The following ANAPC4 variants were observed in gnomAD, a reference collection of about 807,000 sequenced individuals.
The protein encoded by ANAPC4 is anaphase-promoting complex subunit 4.
In ANAPC4, 63 loss-of-function variants were observed where a neutral mutation model predicts 119.8. That is an observed-to-expected ratio of 0.53 (90% confidence interval 0.43 to 0.65). ANAPC4 has a LOEUF of 0.65. Ranked by LOEUF, ANAPC4 falls within the 30% of genes least tolerant of loss-of-function variation. ANAPC4 has a pLI of 0.00. For missense variants in ANAPC4, 716 were observed against 945.1 expected (o/e 0.76, Z 3.18); for synonymous variants, 283 against 318.6 (o/e 0.89, Z 1.19).
In ANAPC4 at chr4:25,383,185, G is replaced by A. The variant is rs1577370092; in HGVS notation, c.236-76G>A. 28 of 1,354,714 alleles carry A rather than the reference G, an allele frequency of 2.1e-5. No individual in the cohort carries two copies. The East Asian group carries it at 6.8e-4, about 33-fold the overall frequency. The allele number at this position is 1,354,714 out of a possible 1,614,324, so 83.9% of individuals were successfully genotyped here. On this transcript the variant is annotated intron_variant, in intron 3 of 28. Coordinates refer to ENST00000315368, the MANE Select transcript of ANAPC4 (RefSeq NM_013367.3). ...AAGATGCACTTAAAAGAGTAAAACT[G>A]GGCAATAAGGGAAATACCCATTTAT...
chr4:25,410,149 G>C (rs1723481445), intron 21 of ANAPC4, among the ~76,000 whole-genome samples: 1 of 152,124 alleles, frequency 6.6e-6, no homozygotes, highest in African/African-American at 2.4e-5. Context: ...GCACAGGGAT[G>C]CTCAACTGTA....
At position 25,405,491 on chromosome 4, in the gene ANAPC4, C is replaced by G; in HGVS notation, c.1271-82C>G. 7.7e-7 allele frequency: 1 copy of G among 1,303,308 alleles called. No individual in the cohort carries two copies. The highest frequency in any genetic ancestry group is 1.8e-5 in the Admixed American group (1 of 56,128). The allele number at this position is 1,303,308 out of a possible 1,614,324, so 80.7% of individuals were successfully genotyped here. ...ATTGAAGATTTAGTTCAGTCAAACA[C>G]CTTGTCTTTGAAATGTATTTATAAT... On this transcript the variant is annotated intron_variant, in intron 17 of 28. Coordinates refer to ENST00000315368, the MANE Select transcript of ANAPC4 (RefSeq NM_013367.3). This position sits in a 1 kb window ranked among gnomAD's most constrained non-coding sequence, Gnocchi z 4.6.
intron 21 of ANAPC4, among the ~76,000 whole-genome samples, chr4:25,411,780 C>T (rs906731348): frequency 6.6e-6 from 1 of 152,200 alleles, no homozygotes; most frequent in Non-Finnish European, 1.5e-5. Flanking sequence ...CAGAAGCAGT[C>T]TGTAGGTTAG....
At chr4:25,413,932 T>TGTGTG in intron 22 of ANAPC4, 190 bp downstream of exon 22, 1 of 264,700 alleles carries the variant, frequency 3.8e-6, no homozygotes. Flanking sequence ...CTTACACACG[T>TGTGTG]GTGTGTGTGT....
At chr4:25,403,586 C>G (rs924999842) in intron 17 of ANAPC4, among the ~76,000 whole-genome samples, 7 of 152,110 alleles carry the variant, frequency 4.6e-5, no homozygotes, top group Non-Finnish European at 4.4e-5. Flanking sequence ...AGCTTATCTT[C>G]TGTGTGATTA....
intron 25 of ANAPC4, 26 bp from the exon 26 acceptor site, chr4:25,415,440 C>CT (rs766721339): frequency 3.1e-6 from 5 of 1,591,298 alleles, no homozygotes; most frequent in Non-Finnish European, 2.6e-6. Context: ...CACAGAGTCT[C>CT]TTTTTTTCCC....
rs1721452744 is a variant in ANAPC4 at position 25,377,323 on chromosome 4, C to G, written c.-32C>G. On this transcript the variant is annotated 5_prime_UTR_variant, in exon 1 of 29. Coordinates refer to ENST00000315368, the MANE Select transcript of ANAPC4 (RefSeq NM_013367.3). ...GAGAGGCCACTGGGGCCGTGTTAGT[C>G]TGCCGGTGGGGACTCTTGCAGGTAC... 1.4e-6 allele frequency: 2 copies of G among 1,481,248 alleles called. No individual in the cohort carries two copies. The highest frequency in any genetic ancestry group is 1.4e-5 in the African/African-American group (1 of 71,822). The allele number at this position is 1,481,248 out of a possible 1,614,324, so 91.8% of individuals were successfully genotyped here. A position where few individuals can be genotyped will look rare whatever the true frequency, so the allele number is the denominator to read the frequency against.
Position 25,388,889 on chromosome 4 carries a change from C to A in ANAPC4, c.515+7C>A. On this transcript the variant is annotated splice_region_variant and intron_variant, in intron 7 of 28. Transcript: ENST00000315368. ...AGCTCTTGGGAGACGTCAGGTAAAT[C>A]TTACAGATAAATAAGTCTAATTTCT... The A allele has an allele frequency of 6.3e-7, 1 of 1,583,202 alleles. No homozygotes were observed. Among genetic ancestry groups the A allele is most frequent in the Non-Finnish European group, 8.6e-7 (1 of 1,159,680 alleles).
In ANAPC4 at chr4:25,407,762, G is replaced by T. The variant is rs546684607; in HGVS notation, c.1431+509G>T. ...TAGAATATACCAGCCAGGCATTGTG[G>T]CTCATGCCTATAATCCCAGCTACTC... On this transcript the variant is annotated intron_variant, in intron 20 of 28. Coordinates refer to ENST00000315368, the MANE Select transcript of ANAPC4 (RefSeq NM_013367.3). 2.0e-5 allele frequency among the ~76,000 whole-genome samples: 3 copies of T among 152,164 alleles called. No homozygotes were observed. In the East Asian group the frequency reaches 5.8e-4, roughly 29 times the overall value.
intron 7 of ANAPC4, among the ~76,000 whole-genome samples, chr4:25,389,466 T>G (rs964188514): frequency 9.9e-5 from 15 of 151,716 alleles, no homozygotes; most frequent in African/African-American, 3.1e-4. Flanking sequence ...CTAATTTTTG[T>G]ATTTTTAGTA....
At position 25,377,526 on chromosome 4, in the gene ANAPC4, T is replaced by A; in HGVS notation, c.99T>A (p.Asp33Glu). 1 of 1,613,344 alleles carries A rather than the reference T, an allele frequency of 6.2e-7. No individual in the cohort carries two copies. The highest frequency in any genetic ancestry group is 8.5e-7 in the Non-Finnish European group (1 of 1,179,800). Residue 33 changes from aspartate (D) to glutamate (E), a missense_variant, in exon 2 of 29, where the codon GAT becomes GAA. Around this residue, in one of 3 missense-constraint regions of ANAPC4, gnomAD observed 202 missense variants for 293.5 expected, o/e 0.69. Coordinates refer to ENST00000315368, the MANE Select transcript of ANAPC4 (RefSeq NM_013367.3). Reference protein sequence around the residue: ...IIFLVWSPKRDLIALANTAGE... With the variant: ...IIFLVWSPKRELIALANTAGE... ...TCCTGGTCTGGTCGCCCAAGCGGGA[T>A]CTCATTGCTTTGGCCAACACAGCTG...
chr4:25,395,369 T>G (rs1169166805), intron 14 of ANAPC4: 1 of 152,670 alleles, frequency 6.6e-6, no homozygotes, highest in Non-Finnish European at 1.5e-5. Flanking sequence ...ATCCTAGATT[T>G]TCAAATCTCA....
chr4:25,387,255 A>G (rs1722090699), intron 4 of ANAPC4, among the ~76,000 whole-genome samples: 1 of 152,212 alleles, frequency 6.6e-6, no homozygotes, highest in African/African-American at 2.4e-5. Flanking sequence ...CTGAAAACAA[A>G]AATTGTTTTT....
rs1425768568 is a variant in ANAPC4 at position 25,390,190 on chromosome 4, T to C, written c.570T>C (p.Tyr190=). Residue 190 remains tyrosine, a synonymous_variant, in exon 8 of 29, where the codon TAT becomes TAC. Transcript: ENST00000315368. ...GSSGFIELYA[Y]GMFKIARVTG... is the part of the protein sequence containing the mutation. ...CTGGATTTATTGAGCTTTATGCTTA[T>C]GGAATGTTTAAAATTGCTCGAGTCA... The C allele has an allele frequency of 1.9e-6, 3 of 1,613,150 alleles. No individual in the cohort carries two copies. Among genetic ancestry groups the C allele is most frequent in the Non-Finnish European group, 2.5e-6 (3 of 1,179,536 alleles).
At position 25,405,020 on chromosome 4, in the gene ANAPC4, A is replaced by G. The variant is rs1723177576; in HGVS notation, c.1271-553A>G. On this transcript the variant is annotated intron_variant, in intron 17 of 28. Coordinates refer to ENST00000315368, the MANE Select transcript of ANAPC4 (RefSeq NM_013367.3). The surrounding 1 kb of genome is among the most constrained non-coding windows in gnomAD (Gnocchi z 4.6). Reference sequence around the variant, plus strand: ...TCAAATACCATGCAGAGGCACATAAAACATACTTTGTCTTGACTTAGGTGG... The same window carrying G: ...TCAAATACCATGCAGAGGCACATAAGACATACTTTGTCTTGACTTAGGTGG... Among the ~76,000 whole-genome samples the G allele has an allele frequency of 6.6e-6, 1 of 151,920 alleles. No individual in the cohort carries two copies. The highest frequency in any genetic ancestry group is 2.4e-5 in the African/African-American group (1 of 41,334).
chr4:25,394,464 ATTT>A, intron 12 of ANAPC4, 90 bp downstream of exon 12: 1 of 1,186,060 alleles, frequency 8.4e-7, no homozygotes, highest in East Asian at 2.6e-5. Flanking sequence ...ATAGTATGTG[ATTT>A]TTTTAATTGA....
rs1348230950 is a variant in ANAPC4, at chr4:25,380,380, C to A, written c.136C>A (p.Leu46Ile). Reference sequence around the variant, plus strand: ...TATATCTGCTTTGTCTTAGGTTTTACTTCATCGACTGGCAAGTTTTCATCG... The same window carrying A: ...TATATCTGCTTTGTCTTAGGTTTTAATTCATCGACTGGCAAGTTTTCATCG... ...ALANTAGEVL[L>I]HRLASFHRVW... The change falls in exon 3 of 29, where the codon CTT becomes ATT. Residue 46 changes from leucine (L) to isoleucine (I), a missense_variant. Physicochemically the swap from Leu to Ile is conservative, Grantham distance 5. Transcript: ENST00000315368. 1 of 1,611,268 alleles carries A rather than the reference C, an allele frequency of 6.2e-7. No individual in the cohort carries two copies. The highest frequency in any genetic ancestry group is 1.7e-5 in the Admixed American group (1 of 59,776).
chr4:25,394,607 T>C, intron 12 of ANAPC4, 64 bp from the exon 13 acceptor site: 1 of 1,488,816 alleles, frequency 6.7e-7, no homozygotes, highest in Non-Finnish European at 9.1e-7. Flanking sequence ...ATTTAAAAGT[T>C]GTAAGTGATG....
intron 10 of ANAPC4, among the ~76,000 whole-genome samples, chr4:25,393,111 T>A (rs1722444052): frequency 6.6e-6 from 1 of 152,202 alleles, no homozygotes; most frequent in Non-Finnish European, 1.5e-5. Flanking sequence ...TGTTTTTCAT[T>A]CTACCACAGT....
Sources: allele counts gnomAD v4.1 joint callset (sites outside exome capture counted in the v4.1 genomes callset), GRCh38; gene constraint gnomAD v4.1.1; regional missense constraint gnomAD v4.1.1; non-coding constraint Gnocchi (gnomAD v3.1); transcripts MANE v1.5; gene names NCBI Gene and HGNC (gene_info 2026-07-23, HGNC 2026-07-21).